Variants in BTBD9 observed in about 807,000 individuals in gnomAD.
BTBD9 encodes BTB domain containing 9, also known as BTB/POZ domain-containing protein 9.
BTBD9 carries 49 observed loss-of-function variants against 64.3 expected under a neutral mutation model. That is an observed-to-expected ratio of 0.76 (90% CI 0.61 to 0.97). The LOEUF (loss-of-function observed/expected upper bound fraction) is 0.97, where lower values mean the gene tolerates loss of function less well. Ranked by LOEUF, BTBD9 falls within the 50% of genes least tolerant of loss-of-function variation. The pLI is 0.00. For missense variants in BTBD9, 598 were observed against 762.1 expected (o/e 0.78, Z 2.53); for synonymous variants, 260 against 274.7 (o/e 0.95, Z 0.53).
In BTBD9 at chr6:38,584,580, G is replaced by A. The variant is rs527616702; in HGVS notation, c.815-4143C>T. On this transcript the variant is annotated intron_variant, in intron 4 of 10. Transcript: ENST00000481247. The stretch of plus-strand genomic sequence containing the variant: ...TTTATGTTCTTAATTATCTTTTATC[G>A]AACTCTCTATTACATGTAGGTTGAC... 3.3e-5 allele frequency among the ~76,000 whole-genome samples: 5 copies of A among 151,960 alleles called. No homozygotes were observed. In the East Asian group the frequency reaches 5.8e-4, roughly 18 times the overall value.
chr6:38,387,898 G>A (rs1394643205), intron 6 of BTBD9, among the ~76,000 whole-genome samples: 6 of 152,010 alleles, frequency 3.9e-5, no homozygotes, highest in East Asian at 1.9e-4. Flanking sequence ...GAAAAATAAC[G>A]GCCCGCTTCA....
chr6:38,584,231 G>T (rs536797577), intron 4 of BTBD9, among the ~76,000 whole-genome samples: 6 of 152,284 alleles, frequency 3.9e-5, no homozygotes, highest in African/African-American at 1.2e-4. Flanking sequence ...GGGCAGCCAA[G>T]GCAGGAGAAT....
At chr6:38,344,110 A>T (rs184142323) in intron 7 of BTBD9, among the ~76,000 whole-genome samples, 1 of 152,338 alleles carries the variant, frequency 6.6e-6, no homozygotes, top group East Asian at 1.9e-4. Flanking sequence ...GTCCCTTCTC[A>T]AAGCAAACTG....
intron 6 of BTBD9, among the ~76,000 whole-genome samples, chr6:38,454,789 A>C (rs1183963808): frequency 1.3e-5 from 2 of 151,310 alleles, no homozygotes; most frequent in South Asian, 4.2e-4. Flanking sequence ...AGACAGAGCA[A>C]GACTCTGTCT....
chr6:38,324,649 A>G (rs1455807019), intron 7 of BTBD9, among the ~76,000 whole-genome samples: 1 of 152,184 alleles, frequency 6.6e-6, no homozygotes, highest in Non-Finnish European at 1.5e-5. Context: ...ATACTACTTT[A>G]TGGCCTTCAT....
At chr6:38,521,316 T>C (rs1365050631) in intron 6 of BTBD9, among the ~76,000 whole-genome samples, 1 of 152,198 alleles carries the variant, frequency 6.6e-6, no homozygotes, top group Non-Finnish European at 1.5e-5. Context: ...AAATAATATA[T>C]ATAAACATTT....
chr6:38,169,934 G>C lies in BTBD9; in HGVS notation c.*5051C>G, dbSNP rs969675193. On this transcript the variant is annotated 3_prime_UTR_variant, in exon 11 of 11. Coordinates refer to ENST00000481247, the MANE Select transcript of BTBD9 (RefSeq NM_001099272.2). ...AAGACACGAAGCTGATGGGGCAGGA[G>C]GGCCGTTCAGCCTGGCTTCTGACTG... The C allele has an allele frequency of 8.3e-4, 126 of 152,330 alleles. No individual in the cohort carries two copies. Among genetic ancestry groups the C allele is most frequent in the African/African-American group, 2.8e-3 (117 of 41,558 alleles). 9.4% of individuals were successfully genotyped at this position (152,330 alleles called of 1,614,324 possible).
At chr6:38,523,111 A>G (rs1357269420) in intron 6 of BTBD9, among the ~76,000 whole-genome samples, 1 of 152,212 alleles carries the variant, frequency 6.6e-6, no homozygotes, top group Non-Finnish European at 1.5e-5. Flanking sequence ...TGAACCCAGA[A>G]GATGGAGGTT....
chr6:38,360,079 C>T (rs977843113), intron 6 of BTBD9, among the ~76,000 whole-genome samples: 12 of 152,042 alleles, frequency 7.9e-5, no homozygotes, highest in African/African-American at 2.7e-4. Context: ...TGTGCTTTAA[C>T]GTTTTTACAG....
chr6:38,506,198 G>T (rs1014773930), intron 6 of BTBD9, among the ~76,000 whole-genome samples: 8 of 152,042 alleles, frequency 5.3e-5, no homozygotes, highest in African/African-American at 1.9e-4. Context: ...GTTTTACAAT[G>T]AGTTAAGTTC....
At chr6:38,189,515 G>A (rs1215069660) in intron 10 of BTBD9, among the ~76,000 whole-genome samples, 4 of 151,902 alleles carry the variant, frequency 2.6e-5, no homozygotes, top group Non-Finnish European at 2.9e-5. Flanking sequence ...TTTGAGTCAG[G>A]GTCTCACTCT....
intron 9 of BTBD9, among the ~76,000 whole-genome samples, chr6:38,230,973 T>C (rs112775354): frequency 4.8e-4 from 73 of 152,332 alleles, no homozygotes; most frequent in African/African-American, 1.5e-3. Context: ...TTCCCCCTAC[T>C]AGGATGTAAA....
At position 38,170,746 on chromosome 6, in the gene BTBD9, C is replaced by T. The variant is rs1766720917; in HGVS notation, c.*4239G>A. On this transcript the variant is annotated 3_prime_UTR_variant, in exon 11 of 11. Transcript: ENST00000481247. ...CGGTGGCACAGAACCATGAACTGCA[C>T]TTTAAATTCCTAACTGAACTCCTGC... 1.3e-5 allele frequency: 2 copies of T among 152,228 alleles called. No individual in the cohort carries two copies. Among genetic ancestry groups the T allele is most frequent in the Non-Finnish European group, 2.9e-5 (2 of 68,042 alleles). The allele number at this position is 152,228 out of a possible 1,614,324, so 9.4% of individuals were successfully genotyped here. A position where few individuals can be genotyped will look rare whatever the true frequency, so the allele number is the denominator to read the frequency against.
chr6:38,394,374 G>A (rs564584745), intron 6 of BTBD9, among the ~76,000 whole-genome samples: 69 of 152,184 alleles, frequency 4.5e-4, no homozygotes, highest in African/African-American at 1.6e-3. Context: ...GGAACTTGAG[G>A]GATAAAAAGA....
At chr6:38,602,425 AT>A (rs1326295620) in intron 1 of BTBD9, among the ~76,000 whole-genome samples, 6 of 150,224 alleles carry the variant, frequency 4.0e-5, no homozygotes, top group Non-Finnish European at 7.5e-5. Context: ...GAACAAAAAA[AT>A]CTTAAGTATG....
At chr6:38,565,064 C>G (rs1244713524) in intron 6 of BTBD9, among the ~76,000 whole-genome samples, 2 of 152,100 alleles carry the variant, frequency 1.3e-5, no homozygotes, top group African/African-American at 4.8e-5. Flanking sequence ...CATTTAGGTT[C>G]TAAACTTCAA....
intron 6 of BTBD9, among the ~76,000 whole-genome samples, chr6:38,403,941 C>T (rs1006401852): frequency 6.6e-6 from 1 of 152,032 alleles, no homozygotes; most frequent in African/African-American, 2.4e-5. Context: ...CACAGATGAA[C>T]CTTGAGAGAA....
At chr6:38,443,008 A>T (rs12199178) in intron 6 of BTBD9, among the ~76,000 whole-genome samples, 7,335 of 151,802 alleles carry the variant, frequency 0.048, 181 homozygotes, top group Non-Finnish European at 0.054. Context: ...AGGATTTTTT[A>T]AAAAAAAATT....
At chr6:38,635,785 C>G (rs1041773258) in intron 1 of BTBD9, among the ~76,000 whole-genome samples, 1 of 152,130 alleles carries the variant, frequency 6.6e-6, no homozygotes, top group Non-Finnish European at 1.5e-5. Flanking sequence ...ATAAATTAAC[C>G]AGACTGTTCT....
Sources: allele counts gnomAD v4.1 joint callset (sites outside exome capture counted in the v4.1 genomes callset), GRCh38; gene constraint gnomAD v4.1.1; transcripts MANE v1.5; gene names NCBI Gene and HGNC (gene_info 2026-07-23, HGNC 2026-07-21).